POLR3E: variants seen among roughly 807,000 people sequenced by gnomAD.
The protein encoded by POLR3E is DNA-directed RNA polymerase III subunit RPC5.
In POLR3E, 41 loss-of-function variants were observed where a neutral mutation model predicts 96.6. The ratio of observed to expected loss-of-function variants is 0.42; its 90% confidence interval spans 0.33 to 0.55. The LOEUF (loss-of-function observed/expected upper bound fraction) is 0.55, where lower values mean the gene tolerates loss of function less well. Ranked by LOEUF, POLR3E falls within the 20% of genes least tolerant of loss-of-function variation. The pLI, the probability that POLR3E is intolerant of heterozygous loss-of-function variation, is 0.06. For synonymous variants in POLR3E, 396 were observed against 383.6 expected (o/e 1.03, Z -0.38); for missense variants, 849 against 952.1 (o/e 0.89, Z 1.43).
At chr16:22,314,181 AG>A (rs1444996500) in intron 8 of POLR3E, 53 bp downstream of exon 8, 24 of 1,437,330 alleles carry the variant, frequency 1.7e-5, no homozygotes, top group Non-Finnish European at 2.2e-5. Flanking sequence ...CAGCAGGACC[AG>A]AGACCAAGGG....
intron 19 of POLR3E, among the ~76,000 whole-genome samples, chr16:22,330,811 A>G (rs1045822925): frequency 6.6e-6 from 1 of 152,030 alleles, no homozygotes; most frequent in Non-Finnish European, 1.5e-5. Flanking sequence ...TACATGAACC[A>G]TAGCAAAAAA....
chr16:22,307,589 G>T (rs2048159679), intron 3 of POLR3E, among the ~76,000 whole-genome samples: 1 of 152,322 alleles, frequency 6.6e-6, no homozygotes, highest in South Asian at 2.1e-4. Flanking sequence ...ATAAAGATAA[G>T]AGCGGGCCAT....
rs139910117 is a variant in POLR3E at position 22,325,930 on chromosome 16, C to T, written c.1518C>T (p.Gly506=). The T allele has an allele frequency of 2.0e-5, 32 of 1,593,152 alleles. No homozygotes were observed. Among genetic ancestry groups the T allele is most frequent in the Middle Eastern group, 1.7e-4 (1 of 5,900 alleles). The change falls in exon 18 of 21, where the codon GGC becomes GGT. Residue 506 remains glycine (G), a synonymous_variant. Coordinates refer to ENST00000299853, the MANE Select transcript of POLR3E (RefSeq NM_018119.4). ...AGGAGGAGCCCGTGAGCGAGGAGGG[C>T]GAGGAGGACGAGGAGCAGGAGGCGG... ...RIKEEPVSEE[G]EEDEEQEAEE... is the part of the protein sequence containing the mutation.
chr16:22,298,133 G>C (rs1175195158), intron 1 of POLR3E, among the ~76,000 whole-genome samples: 3 of 152,236 alleles, frequency 2.0e-5, no homozygotes. Flanking sequence ...CTGACCATTC[G>C]GTCCGAGGAG....
chr16:22,316,782 GTA>G, intron 10 of POLR3E, 96 bp downstream of exon 10: 1 of 1,076,380 alleles, frequency 9.3e-7, no homozygotes, highest in Middle Eastern at 2.0e-4. Context: ...GGCCCCTCCT[GTA>G]GCATGAGGGT....
rs2048568550 is a variant in POLR3E at position 22,325,753 on chromosome 16, C to T, written c.1349-8C>T. The T allele has an allele frequency of 6.5e-7, 1 of 1,546,668 alleles. No homozygotes were observed. Among genetic ancestry groups the T allele is most frequent in the African/African-American group, 1.4e-5 (1 of 72,958 alleles). On this transcript the variant is annotated splice_polypyrimidine_tract_variant and splice_region_variant and intron_variant, in intron 17 of 20. Coordinates refer to ENST00000299853, the MANE Select transcript of POLR3E (RefSeq NM_018119.4). Reference sequence around the variant, plus strand: ...CCCTCCTGAGCAGTGCTGCCTCCCTCCCCGCAGGGCCTGCCGGGCTGGTCT... The same window carrying T: ...CCCTCCTGAGCAGTGCTGCCTCCCTTCCCGCAGGGCCTGCCGGGCTGGTCT...
chr16:22,332,442 CTTTG>C (rs1345671391), intron 20 of POLR3E, among the ~76,000 whole-genome samples: 1 of 152,174 alleles, frequency 6.6e-6, no homozygotes, highest in Non-Finnish European at 1.5e-5. Context: ...GCCATGGATG[CTTTG>C]TTTCTCTTTC....
Position 22,303,691 on chromosome 16 carries a change from A to G in POLR3E, c.36+687A>G, listed in dbSNP as rs184538066. On this transcript the variant is annotated intron_variant, in intron 2 of 20. Coordinates refer to ENST00000299853, the MANE Select transcript of POLR3E (RefSeq NM_018119.4). Reference sequence around the variant, plus strand: ...AGTCTTGCTCTGTTGCCCAGGCTGGAGTTCAGTGGTGCCATCTCGGCTCAC... The same window carrying G: ...AGTCTTGCTCTGTTGCCCAGGCTGGGGTTCAGTGGTGCCATCTCGGCTCAC... Among the ~76,000 whole-genome samples, 816 of 131,208 alleles carry G rather than the reference A, an allele frequency of 6.2e-3. 6 individuals are homozygous for G. The highest frequency in any genetic ancestry group is 0.025 in the African/African-American group (755 of 30,776). The allele number at this position is 131,208 out of a possible 152,430, so 86.1% of individuals were successfully genotyped here. A position where few individuals can be genotyped will look rare whatever the true frequency, so the allele number is the denominator to read the frequency against.
chr16:22,314,598 A>C (rs1485282781), intron 8 of POLR3E, among the ~76,000 whole-genome samples: 1 of 152,244 alleles, frequency 6.6e-6, no homozygotes, highest in East Asian at 1.9e-4. Context: ...TAAAATGAGT[A>C]GTACCAAAAG....
chr16:22,326,002 G>A lies in POLR3E; in HGVS notation c.1590G>A (p.Leu530=), dbSNP rs2048579918. 3.8e-6 allele frequency: 6 copies of A among 1,595,998 alleles called. No individual in the cohort carries two copies. The South Asian group carries it at 6.7e-5, about 18-fold the overall frequency. The change falls in exon 18 of 21, where the codon CTG becomes CTA. Residue 530 remains leucine (L), a synonymous_variant. Transcript: ENST00000299853. ...DTSPSGLHSK[L]ANGLPLGRAA... ...CCCCCAGCGGCCTCCACAGCAAGCTGGCCAACGGGCTGCCTCTCGGGCGGG... is the reference window on the plus strand; with the variant it reads ...CCCCCAGCGGCCTCCACAGCAAGCTAGCCAACGGGCTGCCTCTCGGGCGGG...
intron 18 of POLR3E, chr16:22,327,585 GCT>G (rs1186291456): frequency 6.6e-6 from 1 of 152,190 alleles, no homozygotes; most frequent in Non-Finnish European, 1.5e-5. Context: ...TAACTGTAAT[GCT>G]CTCCTTGCCA....
Position 22,309,014 on chromosome 16 carries a change from C to T in POLR3E, c.255C>T (p.Cys85=), listed in dbSNP as rs758104553. ...EQIALNVDGA[C]ADETSTYSSK... is the part of the protein sequence containing the mutation. ...TTGCGCTGAACGTGGACGGGGCCTG[C>T]GCCGACGAGACCAGCACGTATTCCT... The change falls in exon 5 of 21, where the codon TGC becomes TGT. Residue 85 remains cysteine (C), a synonymous_variant. Coordinates refer to ENST00000299853, the MANE Select transcript of POLR3E (RefSeq NM_018119.4). 6.2e-6 allele frequency: 10 copies of T among 1,613,276 alleles called. No homozygotes were observed. Among genetic ancestry groups the T allele is most frequent in the South Asian group, 4.4e-5 (4 of 91,068 alleles).
Position 22,300,633 on chromosome 16 carries a change from T to C in POLR3E, c.-38-2298T>C, listed in dbSNP as rs549389635. On this transcript the variant is annotated intron_variant, in intron 1 of 20. Transcript: ENST00000299853. ...GTGCAGATGGGGTGAGGCCTTGGGC[T>C]CTCCGCTCTACACTGCCCTCTGTCT... is the stretch of plus-strand genomic sequence containing the variant. 3.6e-4 allele frequency among the ~76,000 whole-genome samples: 54 copies of C among 149,896 alleles called. 2 individuals are homozygous for C. In the South Asian group the frequency reaches 0.011, roughly 31 times the overall value.
chr16:22,314,424 C>G (rs1157511861), intron 8 of POLR3E, among the ~76,000 whole-genome samples: 1 of 152,200 alleles, frequency 6.6e-6, no homozygotes, highest in Non-Finnish European at 1.5e-5. Flanking sequence ...GAACCTGTAT[C>G]TTAACAGAGC....
At position 22,298,633 on chromosome 16, in the gene POLR3E, A is replaced by G. The variant is rs144909235; in HGVS notation, c.-39+1096A>G. On this transcript the variant is annotated intron_variant, in intron 1 of 20. Transcript: ENST00000299853. The stretch of plus-strand genomic sequence containing the variant: ...TAACCATACTGCCGTTTATCAGAAA[A>G]CCGTGCAGTATAGTGGTTAAGAATA... 1.1e-4 allele frequency among the ~76,000 whole-genome samples: 17 copies of G among 152,158 alleles called. No homozygotes were observed. In the East Asian group the frequency reaches 2.3e-3, roughly 21 times the overall value.
At chr16:22,304,693 AG>A (rs1420999471) in intron 2 of POLR3E, among the ~76,000 whole-genome samples, 1 of 152,148 alleles carries the variant, frequency 6.6e-6, no homozygotes, top group Non-Finnish European at 1.5e-5. Flanking sequence ...TTGGGAAGAA[AG>A]GAAGTGGAGC....
At chr16:22,329,175 G>A (rs1453419795) in intron 19 of POLR3E, 2 of 152,314 alleles carry the variant, frequency 1.3e-5, no homozygotes, top group African/African-American at 2.4e-5. Context: ...AAAGCTTCCT[G>A]AGCAACTCTG....
Position 22,317,104 on chromosome 16 carries a change from G to T in POLR3E, c.774-11G>T. 6.2e-7 allele frequency: 1 copy of T among 1,614,092 alleles called. No homozygotes were observed. Among genetic ancestry groups the T allele is most frequent in the Non-Finnish European group, 8.5e-7 (1 of 1,179,936 alleles). On this transcript the variant is annotated splice_polypyrimidine_tract_variant and intron_variant, in intron 11 of 20. Transcript: ENST00000299853. Reference sequence around the variant, plus strand: ...TGGCTGCCTCTAACCCGTCCCCTCTGCTTTTCCCAGAGACAAGCCTGTGGC... The same window carrying T: ...TGGCTGCCTCTAACCCGTCCCCTCTTCTTTTCCCAGAGACAAGCCTGTGGC...
At chr16:22,312,206 G>A (rs2048261328) in intron 6 of POLR3E, among the ~76,000 whole-genome samples, 1 of 152,098 alleles carries the variant, frequency 6.6e-6, no homozygotes, top group Admixed American at 6.6e-5. Context: ...AAAATACATT[G>A]AATTATGGCC....
Sources: allele counts gnomAD v4.1 joint callset (sites outside exome capture counted in the v4.1 genomes callset), GRCh38; gene constraint gnomAD v4.1.1; transcripts MANE v1.5; gene names NCBI Gene and HGNC (gene_info 2026-07-23, HGNC 2026-07-21).